The following CADM1 variants were observed in gnomAD, a reference collection of about 807,000 sequenced individuals.
The protein encoded by CADM1 is cell adhesion molecule 1.
A neutral mutation model predicts 53.1 loss-of-function variants in CADM1; 15 were observed. The observed-to-expected ratio is 0.28, with a 90% CI of 0.19 to 0.44. The LOEUF (loss-of-function observed/expected upper bound fraction) is 0.44. Ranked by LOEUF, CADM1 falls within the 20% of genes least tolerant of loss-of-function variation. The probability of loss-of-function intolerance (pLI) is 1.00; values close to 1 mark genes in which losing one functional copy is unlikely to be tolerated. For missense variants in CADM1, 434 were observed against 611.3 expected (o/e 0.71, Z 3.06); for synonymous variants, 281 against 243.0 (o/e 1.16, Z -1.45).
At chr11:115,389,671 A>C (rs1237753959) in intron 1 of CADM1, among the ~76,000 whole-genome samples, 1 of 152,178 alleles carries the variant, frequency 6.6e-6, no homozygotes, top group African/African-American at 2.4e-5. Context: ...AAACAGGCAG[A>C]TAAAAGGAAA....
intron 4 of CADM1, among the ~76,000 whole-genome samples, chr11:115,229,498 C>A (rs936976959): frequency 1.3e-5 from 2 of 152,288 alleles, no homozygotes; most frequent in Admixed American, 1.3e-4. Context: ...TATTTCAAGT[C>A]CAAATACCAT....
intron 7 of CADM1, among the ~76,000 whole-genome samples, chr11:115,212,933 A>T (rs1235707925): frequency 6.6e-6 from 1 of 152,222 alleles, no homozygotes. Flanking sequence ...CTACTATCCA[A>T]AATTATTCAA....
At chr11:115,336,652 A>G (rs1260098205) in intron 1 of CADM1, among the ~76,000 whole-genome samples, 1 of 152,156 alleles carries the variant, frequency 6.6e-6, no homozygotes, top group Non-Finnish European at 1.5e-5. Context: ...ACTAGATTTA[A>G]GTTCTTTCCT....
chr11:115,384,695 T>G (rs1033022577), intron 1 of CADM1, among the ~76,000 whole-genome samples: 5 of 152,198 alleles, frequency 3.3e-5, no homozygotes, highest in Non-Finnish European at 5.9e-5. Context: ...GGCTGTGCAA[T>G]TCACACTTGT....
chr11:115,272,537 C>T (rs1943328021), intron 1 of CADM1, among the ~76,000 whole-genome samples: 1 of 152,070 alleles, frequency 6.6e-6, no homozygotes, highest in African/African-American at 2.4e-5. Flanking sequence ...AACTCTCCAG[C>T]ATTCCATGAG....
chr11:115,412,431 C>G (rs887707914), intron 1 of CADM1, among the ~76,000 whole-genome samples: 1 of 152,144 alleles, frequency 6.6e-6, no homozygotes, highest in South Asian at 2.1e-4. Flanking sequence ...GCCTGGTACT[C>G]GGGCTCAAGT....
rs750026131 is a variant in CADM1 at position 115,209,253 on chromosome 11, C to T, written c.1078+321G>A. ...CCACAGTACTTACCATTTCATCAAA[C>T]ATGTCTAAGCAGAAGCTATAGGCGT... On this transcript the variant is annotated intron_variant, in intron 8 of 11. Transcript: ENST00000331581. Among the ~76,000 whole-genome samples the T allele has an allele frequency of 7.9e-4, 120 of 152,334 alleles. 1 individual carries two copies. The highest frequency in any genetic ancestry group is 1.4e-3 in the Non-Finnish European group (95 of 68,034).
At chr11:115,317,150 G>C (rs1944688740) in intron 1 of CADM1, among the ~76,000 whole-genome samples, 2 of 152,128 alleles carry the variant, frequency 1.3e-5, no homozygotes, top group African/African-American at 4.8e-5. Flanking sequence ...AAGCATCTAG[G>C]TCTTCTTCAT....
intron 1 of CADM1, among the ~76,000 whole-genome samples, chr11:115,444,917 A>C (rs1948415201): frequency 6.6e-6 from 1 of 152,198 alleles, no homozygotes; most frequent in South Asian, 2.1e-4. Context: ...TGTTGCTGTG[A>C]CATATTTGCA....
At chr11:115,210,043 G>C (rs1031264954) in intron 7 of CADM1, among the ~76,000 whole-genome samples, 1 of 152,220 alleles carries the variant, frequency 6.6e-6, no homozygotes, top group Non-Finnish European at 1.5e-5. Context: ...GAAGGAGGAG[G>C]AGGAGGTGGT....
intron 1 of CADM1, among the ~76,000 whole-genome samples, chr11:115,403,640 A>G (rs1197816023): frequency 6.6e-6 from 1 of 152,072 alleles, no homozygotes; most frequent in Non-Finnish European, 1.5e-5. Flanking sequence ...TCTGTCATAC[A>G]GGCTGGAGTT....
intron 5 of CADM1, among the ~76,000 whole-genome samples, chr11:115,224,743 C>T (rs1941539207): frequency 6.6e-6 from 1 of 152,150 alleles, no homozygotes; most frequent in Non-Finnish European, 1.5e-5. Context: ...CTATGTGTTG[C>T]CACCTTGATG....
At chr11:115,268,083 T>C (rs1294552597) in intron 1 of CADM1, among the ~76,000 whole-genome samples, 1 of 152,238 alleles carries the variant, frequency 6.6e-6, no homozygotes, top group Non-Finnish European at 1.5e-5. Flanking sequence ...TTACGAAGAA[T>C]TGTTTTTCCA....
In CADM1 at chr11:115,504,348, G is replaced by GCCT. The variant is rs1454530836; in HGVS notation, c.46_47insAGG (p.Ala15_Ala16insGlu). 6.5e-7 allele frequency: 1 copy of GCCT among 1,548,664 alleles called. No homozygotes were observed. The highest frequency in any genetic ancestry group is 2.0e-5 in the Admixed American group (1 of 50,946). Reference sequence around the variant, plus strand: ...GAGCCCGGGAGGCGCCGCCGCCGCCGCTGCCGCCGCACACTGGGATCCGCT... The same window carrying GCCT: ...GAGCCCGGGAGGCGCCGCCGCCGCCGCCTCTGCCGCCGCACACTGGGATCCGCT... On this transcript the variant is annotated inframe_insertion, in exon 1 of 12. Coordinates refer to ENST00000331581, the MANE Select transcript of CADM1 (RefSeq NM_001301043.2).
chr11:115,435,380 A>G (rs930278768), intron 1 of CADM1, among the ~76,000 whole-genome samples: 20 of 152,308 alleles, frequency 1.3e-4, no homozygotes, highest in African/African-American at 4.8e-4. Context: ...AATCAAAAGA[A>G]TAATATTTCA....
chr11:115,330,060 G>A (rs904830729), intron 1 of CADM1, among the ~76,000 whole-genome samples: 2 of 151,430 alleles, frequency 1.3e-5, no homozygotes, highest in African/African-American at 2.4e-5. Context: ...GAACATTTGG[G>A]TGTGAAAACA....
chr11:115,176,432 A>C lies in CADM1; in HGVS notation c.*42T>G. The C allele has an allele frequency of 6.2e-7, 1 of 1,612,102 alleles. No individual in the cohort carries two copies. Among genetic ancestry groups the C allele is most frequent in the East Asian group, 2.2e-5 (1 of 44,776 alleles). On this transcript the variant is annotated 3_prime_UTR_variant, in exon 12 of 12. Transcript: ENST00000331581. ...AATATCACTGTCTCTTTATCATCTAAATAGGGCCAGTTGGACACCTCATTG... is the reference window on the plus strand; with the variant it reads ...AATATCACTGTCTCTTTATCATCTACATAGGGCCAGTTGGACACCTCATTG...
chr11:115,209,676 G>A lies in CADM1; in HGVS notation c.995-19C>T. 1 of 1,612,334 alleles carries A rather than the reference G, an allele frequency of 6.2e-7. No individual in the cohort carries two copies. Among genetic ancestry groups the A allele is most frequent in the Non-Finnish European group, 8.5e-7 (1 of 1,179,566 alleles). ...GGGGGATCTGGATAGAAAAAAAAAGGAAAATCAAACCCACAATGCTGAACA... is the reference window on the plus strand; with the variant it reads ...GGGGGATCTGGATAGAAAAAAAAAGAAAAATCAAACCCACAATGCTGAACA... On this transcript the variant is annotated intron_variant, in intron 7 of 11. Transcript: ENST00000331581.
chr11:115,174,493 G>A lies in CADM1; in HGVS notation c.*1981C>T. Reference sequence around the variant, plus strand: ...GTTAAGTGCCTAGGGATAGGGGAGGGGTAAATAAAATGCTGCTCGATAATG... The same window carrying A: ...GTTAAGTGCCTAGGGATAGGGGAGGAGTAAATAAAATGCTGCTCGATAATG... On this transcript the variant is annotated 3_prime_UTR_variant, in exon 12 of 12. Coordinates refer to ENST00000331581, the MANE Select transcript of CADM1 (RefSeq NM_001301043.2). 1.0e-6 allele frequency: 1 copy of A among 985,392 alleles called. No individual in the cohort carries two copies. Among genetic ancestry groups the A allele is most frequent in the Non-Finnish European group, 1.2e-6 (1 of 829,834 alleles). The allele number at this position is 985,392 out of a possible 1,614,324, so 61.0% of individuals were successfully genotyped here. A position where few individuals can be genotyped will look rare whatever the true frequency, so the allele number is the denominator to read the frequency against.
Sources: allele counts gnomAD v4.1 joint callset (sites outside exome capture counted in the v4.1 genomes callset), GRCh38; gene constraint gnomAD v4.1.1; transcripts MANE v1.5; gene names NCBI Gene and HGNC (gene_info 2026-07-23, HGNC 2026-07-21).